SDK1: variants seen among roughly 807,000 people sequenced by gnomAD.
SDK1 encodes the protein sidekick cell adhesion molecule 1.
A neutral mutation model predicts 245.5 loss-of-function variants in SDK1; 157 were observed. The observed-to-expected ratio is 0.64, with a 90% CI of 0.56 to 0.73. The LOEUF (loss-of-function observed/expected upper bound fraction) is 0.73. Ranked by LOEUF, SDK1 falls within the 30% of genes least tolerant of loss-of-function variation. The pLI, the probability that SDK1 is intolerant of heterozygous loss-of-function variation, is 0.00. For missense variants in SDK1, 3,583 were observed against 3,002.3 expected (o/e 1.19, Z -4.52); for synonymous variants, 1,647 against 1,278.5 (o/e 1.29, Z -6.15).
At chr7:3,401,447 C>T (rs1415909541) in intron 1 of SDK1, among the ~76,000 whole-genome samples, 4 of 152,158 alleles carry the variant, frequency 2.6e-5, no homozygotes, top group Non-Finnish European at 4.4e-5. Context: ...TGAGAGAGAG[C>T]ATCTGTAGAG....
At chr7:3,593,041 A>C (rs1583205204) in intron 1 of SDK1, among the ~76,000 whole-genome samples, 1 of 152,212 alleles carries the variant, frequency 6.6e-6, no homozygotes, top group Non-Finnish European at 1.5e-5. Flanking sequence ...TTGCAAGTGG[A>C]AATCAGTGGA....
intron 1 of SDK1, among the ~76,000 whole-genome samples, chr7:3,496,829 C>G (rs11975833): frequency 0.097 from 14,794 of 152,124 alleles, 999 homozygotes; most frequent in African/African-American, 0.19. Flanking sequence ...GCTAATTTCT[C>G]CTGCAGGCTA....
chr7:3,833,984 A>G (rs1583460858), intron 5 of SDK1, among the ~76,000 whole-genome samples: 1 of 152,270 alleles, frequency 6.6e-6, no homozygotes, highest in East Asian at 1.9e-4. Flanking sequence ...CCATGTTACT[A>G]CAGATTTTGA....
Position 3,998,655 on chromosome 7 carries a change from C to G in SDK1, c.2131+11333C>G, listed in dbSNP as rs73296692. 6.0e-3 allele frequency among the ~76,000 whole-genome samples: 918 copies of G among 152,292 alleles called. 11 individuals are homozygous for G. Among genetic ancestry groups the G allele is most frequent in the African/African-American group, 0.02 (842 of 41,564 alleles). ...TGACTCTAGGTTCCCCAGCCTCAAA[C>G]CTGAAATAATGTACTTTTCCTTAAC... On this transcript the variant is annotated intron_variant, in intron 14 of 44. Transcript: ENST00000404826.
At chr7:4,093,307 C>T (rs760800913) in intron 22 of SDK1, among the ~76,000 whole-genome samples, 4 of 152,098 alleles carry the variant, frequency 2.6e-5, no homozygotes, top group African/African-American at 7.2e-5. Context: ...CTGTAAACCC[C>T]TGCCATTCGC....
chr7:4,065,694 GTTTTTTTTTTTTTTTT>G lies in SDK1; in HGVS notation c.2912-2124_2912-2109del, dbSNP rs749991713. 5.0e-3 allele frequency among the ~76,000 whole-genome samples: 336 copies of G among 66,790 alleles called. 4 individuals are homozygous for G. Among genetic ancestry groups the G allele is most frequent in the African/African-American group, 9.9e-3 (290 of 29,278 alleles). 43.8% of individuals were successfully genotyped at this position (66,790 alleles called of 152,430 possible). A position where few individuals can be genotyped will look rare whatever the true frequency, so the allele number is the denominator to read the frequency against. On this transcript the variant is annotated intron_variant, in intron 19 of 44. Transcript: ENST00000404826. Reference sequence around the variant, plus strand: ...AGTTTCACCCAGATGAGTGGTTGTTGTTTTTTTTTTTTTTTTTTTTTTTTTTTTTTTTTTTGAGGCT... The same window carrying G: ...AGTTTCACCCAGATGAGTGGTTGTTGTTTTTTTTTTTTTTTTTTTGAGGCT...
intron 13 of SDK1, among the ~76,000 whole-genome samples, chr7:3,979,016 G>T (rs937186282): frequency 6.6e-6 from 1 of 152,210 alleles, no homozygotes. Flanking sequence ...GAGTGGAGGG[G>T]CGGCCCCCAC....
chr7:3,866,878 C>G (rs753562059), intron 5 of SDK1, among the ~76,000 whole-genome samples: 1 of 152,220 alleles, frequency 6.6e-6, no homozygotes, highest in South Asian at 2.1e-4. Flanking sequence ...AACCCATTAG[C>G]CATGGGAGCT....
intron 5 of SDK1, among the ~76,000 whole-genome samples, chr7:3,854,590 A>G (rs542846268): frequency 4.6e-5 from 7 of 152,168 alleles, no homozygotes; most frequent in Non-Finnish European, 8.8e-5. Context: ...CAATTTTTAT[A>G]TTTTTATTCA....
intron 1 of SDK1, among the ~76,000 whole-genome samples, chr7:3,463,473 T>G (rs1360323059): frequency 6.6e-6 from 1 of 152,134 alleles, no homozygotes; most frequent in Non-Finnish European, 1.5e-5. Flanking sequence ...CTAAAAGCCT[T>G]GCTTCCTCAC....
chr7:3,625,267 C>G (rs868244481), intron 2 of SDK1, among the ~76,000 whole-genome samples: 1 of 152,142 alleles, frequency 6.6e-6, no homozygotes, highest in Non-Finnish European at 1.5e-5. Context: ...TCATCAGAAA[C>G]CGATCACAGA....
intron 4 of SDK1, among the ~76,000 whole-genome samples, chr7:3,783,042 TC>T (rs1221152731): frequency 1.3e-5 from 2 of 152,222 alleles, no homozygotes; most frequent in African/African-American, 4.8e-5. Flanking sequence ...TGGGATTTAT[TC>T]TTCGATACAA....
chr7:3,961,833 A>G (rs755264890), intron 8 of SDK1, among the ~76,000 whole-genome samples: 3 of 152,176 alleles, frequency 2.0e-5, no homozygotes, highest in Non-Finnish European at 4.4e-5. Context: ...GTAAATGTAC[A>G]CACATGCACA....
intron 1 of SDK1, among the ~76,000 whole-genome samples, chr7:3,590,992 A>G (rs536683879): frequency 6.6e-6 from 1 of 152,230 alleles, no homozygotes; most frequent in Non-Finnish European, 1.5e-5. Flanking sequence ...CATGTTGCCC[A>G]GGCTGGTAGA....
chr7:4,267,245 C>T lies in SDK1; in HGVS notation c.*1861C>T. ...TCCTTCCTCCCTTCCTCTCTTCTTT[C>T]CTCCCTCCCTCCCTCCTTCCCTCCC... On this transcript the variant is annotated 3_prime_UTR_variant, in exon 45 of 45. Coordinates refer to ENST00000404826, the MANE Select transcript of SDK1 (RefSeq NM_152744.4). 1.5e-6 allele frequency: 1 copy of T among 672,372 alleles called. No homozygotes were observed. The highest frequency in any genetic ancestry group is 1.8e-6 in the Non-Finnish European group (1 of 545,896). 41.7% of individuals were successfully genotyped at this position (672,372 alleles called of 1,614,324 possible).
intron 4 of SDK1, among the ~76,000 whole-genome samples, chr7:3,691,136 A>G (rs948236122): frequency 6.6e-6 from 1 of 152,242 alleles, no homozygotes; most frequent in Non-Finnish European, 1.5e-5. Flanking sequence ...AATTACACCA[A>G]TGTTTCATTC....
At chr7:3,495,165 C>T (rs1357993418) in intron 1 of SDK1, among the ~76,000 whole-genome samples, 2 of 152,062 alleles carry the variant, frequency 1.3e-5, no homozygotes, top group Non-Finnish European at 2.9e-5. Flanking sequence ...AGTTGCACAT[C>T]CTCCTGATCA....
intron 5 of SDK1, among the ~76,000 whole-genome samples, chr7:3,866,158 C>G (rs1583491477): frequency 2.6e-5 from 4 of 152,226 alleles, no homozygotes; most frequent in Admixed American, 2.6e-4. Flanking sequence ...TGAATTCTCT[C>G]ATTCACAACC....
intron 20 of SDK1, among the ~76,000 whole-genome samples, chr7:4,074,247 C>G (rs2128175916): frequency 6.6e-6 from 1 of 152,192 alleles, no homozygotes; most frequent in African/African-American, 2.4e-5. Flanking sequence ...TTGGGGGAGG[C>G]TGAGAAGCAG....
Sources: gnomAD v4.1 joint callset for allele counts (sites outside exome capture counted in the v4.1 genomes callset) on GRCh38, gnomAD v4.1.1 for gene constraint, MANE v1.5 for transcripts, NCBI Gene and HGNC (gene_info 2026-07-23, HGNC 2026-07-21) for gene names.